PDSS2: variants seen among roughly 807,000 people sequenced by gnomAD.
PDSS2 encodes all trans-polyprenyl-diphosphate synthase PDSS2.
Under a neutral mutation model 44.5 loss-of-function variants are expected in PDSS2, and 31 were observed. That is an observed-to-expected ratio of 0.70 (90% CI 0.52 to 0.94). The LOEUF (loss-of-function observed/expected upper bound fraction) is 0.94. Ranked by LOEUF, PDSS2 falls within the 40% of genes least tolerant of loss-of-function variation. The pLI is 0.00. For synonymous variants in PDSS2, 157 were observed against 180.3 expected (o/e 0.87, Z 1.03); for missense variants, 452 against 482.2 (o/e 0.94, Z 0.59).
At chr6:107,327,821 A>G (rs1777596001) in intron 2 of PDSS2, among the ~76,000 whole-genome samples, 1 of 152,212 alleles carries the variant, frequency 6.6e-6, no homozygotes, top group Admixed American at 6.5e-5. Context: ...CTTAAAAATT[A>G]AGATTGTTTC....
intron 1 of PDSS2, among the ~76,000 whole-genome samples, chr6:107,456,189 C>T (rs1019827487): frequency 1.3e-5 from 2 of 152,080 alleles, no homozygotes; most frequent in Middle Eastern, 3.2e-3. Flanking sequence ...GGCATGGTGG[C>T]GGGCGCCTAT....
Position 107,153,619 on chromosome 6 carries a change from G to T in PDSS2, c.*1000C>A, listed in dbSNP as rs1234521329. ...TGAAATGTGTTTGAATAAAAAAACT[G>T]ATCTTCAGGAAAGAAAAACAGACTA... is the stretch of plus-strand genomic sequence containing the variant. On this transcript the variant is annotated 3_prime_UTR_variant, in exon 8 of 8. Transcript: ENST00000369037. 6.6e-6 allele frequency: 1 copy of T among 152,274 alleles called. No individual in the cohort carries two copies. The highest frequency in any genetic ancestry group is 2.4e-5 in the African/African-American group (1 of 41,362). 9.4% of individuals were successfully genotyped at this position (152,274 alleles called of 1,614,324 possible). A position where few individuals can be genotyped will look rare whatever the true frequency, so the allele number is the denominator to read the frequency against.
chr6:107,237,900 A>G (rs1320534840), intron 4 of PDSS2, among the ~76,000 whole-genome samples: 2 of 150,742 alleles, frequency 1.3e-5, no homozygotes, highest in African/African-American at 4.9e-5. Flanking sequence ...CGTCTCTGAA[A>G]AAAAAAAAAA....
intron 1 of PDSS2, among the ~76,000 whole-genome samples, chr6:107,424,935 C>A (rs962586922): frequency 1.4e-4 from 22 of 152,162 alleles, no homozygotes; most frequent in Non-Finnish European, 1.0e-4. Flanking sequence ...GTGGGAGGAA[C>A]CCAGTGGGAG....
intron 4 of PDSS2, among the ~76,000 whole-genome samples, chr6:107,241,539 G>C (rs1036539245): frequency 2.0e-5 from 3 of 151,556 alleles, no homozygotes; most frequent in Admixed American, 6.6e-5. Flanking sequence ...GTAGAGACAG[G>C]GTTTCACCGT....
At chr6:107,351,333 A>G (rs1778429340) in intron 1 of PDSS2, among the ~76,000 whole-genome samples, 1 of 152,230 alleles carries the variant, frequency 6.6e-6, no homozygotes, top group Non-Finnish European at 1.5e-5. Flanking sequence ...TCATCTTGAT[A>G]TCAAAAGTTC....
rs116090428 is a variant in PDSS2 at position 107,347,709 on chromosome 6, T to G, written c.297-13377A>C. Among the ~76,000 whole-genome samples, 612 of 152,268 alleles carry G rather than the reference T, an allele frequency of 4.0e-3. 5 individuals are homozygous for G. The highest frequency in any genetic ancestry group is 0.014 in the African/African-American group (591 of 41,546). On this transcript the variant is annotated intron_variant, in intron 1 of 7. Coordinates refer to ENST00000369037, the MANE Select transcript of PDSS2 (RefSeq NM_020381.4). ...TGAATGGCTAATCAAAAGAAATAAT[T>G]TATATACATTATATGTTTTTATTTC...
At chr6:107,223,664 C>T (rs1424350513) in intron 4 of PDSS2, among the ~76,000 whole-genome samples, 2 of 151,212 alleles carry the variant, frequency 1.3e-5, no homozygotes, top group African/African-American at 2.5e-5. Context: ...CAGTGAGACA[C>T]GTTCAGGCCA....
At chr6:107,288,185 T>C (rs1776218550) in intron 2 of PDSS2, among the ~76,000 whole-genome samples, 1 of 152,192 alleles carries the variant, frequency 6.6e-6, no homozygotes, top group Non-Finnish European at 1.5e-5. Flanking sequence ...CATTACATAG[T>C]TTGGTAACAA....
intron 2 of PDSS2, among the ~76,000 whole-genome samples, chr6:107,307,103 T>C (rs1048819727): frequency 5.3e-5 from 8 of 152,324 alleles, no homozygotes; most frequent in African/African-American, 1.9e-4. Flanking sequence ...CTTATTGAAG[T>C]AGGCACACAT....
chr6:107,201,709 T>A (rs1772784972), intron 6 of PDSS2, among the ~76,000 whole-genome samples: 1 of 152,188 alleles, frequency 6.6e-6, no homozygotes. Context: ...AGTCCAGAAA[T>A]TGCTAGAGAC....
chr6:107,220,998 T>C (rs1176668153), intron 4 of PDSS2, among the ~76,000 whole-genome samples: 3 of 152,200 alleles, frequency 2.0e-5, no homozygotes, highest in East Asian at 1.9e-4. Flanking sequence ...ATACCAGATA[T>C]ACAGAATTGT....
At chr6:107,184,767 C>G (rs1247981872) in intron 7 of PDSS2, among the ~76,000 whole-genome samples, 1 of 151,826 alleles carries the variant, frequency 6.6e-6, no homozygotes, top group Non-Finnish European at 1.5e-5. Flanking sequence ...AAAACCCTAT[C>G]CTTATAAAAA....
chr6:107,238,760 G>A (rs951869674), intron 4 of PDSS2, among the ~76,000 whole-genome samples: 2 of 152,136 alleles, frequency 1.3e-5, no homozygotes, highest in African/African-American at 2.4e-5. Flanking sequence ...AGGATGGTAG[G>A]AACACTCCTA....
intron 1 of PDSS2, among the ~76,000 whole-genome samples, chr6:107,383,504 C>T (rs925464336): frequency 3.3e-5 from 5 of 151,564 alleles, no homozygotes; most frequent in Non-Finnish European, 1.5e-5. Context: ...TCAAAGGACA[C>T]CATCAAGAAG....
chr6:107,278,103 C>T lies in PDSS2; in HGVS notation c.432-3876G>A, dbSNP rs139304281. On this transcript the variant is annotated intron_variant, in intron 2 of 7. Transcript: ENST00000369037. ...AGATACAATTAAAAGAACAAATTGG[C>T]ATTATCAAATGCCAAGGAAAATCTC... Among the ~76,000 whole-genome samples, 412 of 151,962 alleles carry T rather than the reference C, an allele frequency of 2.7e-3. 2 individuals carry two copies. The highest frequency in any genetic ancestry group is 9.4e-3 in the African/African-American group (389 of 41,496).
chr6:107,252,708 C>A (rs1349469694), intron 3 of PDSS2, among the ~76,000 whole-genome samples: 2 of 152,154 alleles, frequency 1.3e-5, no homozygotes, highest in South Asian at 2.1e-4. Context: ...GTGGGAGGAT[C>A]ACTTGAGCCC....
At chr6:107,163,836 C>G (rs908400895) in intron 7 of PDSS2, among the ~76,000 whole-genome samples, 19 of 152,202 alleles carry the variant, frequency 1.2e-4, no homozygotes, top group African/African-American at 3.6e-4. Flanking sequence ...CTCCTGACCT[C>G]AGGTGATCCG....
At chr6:107,397,607 T>C (rs907992185) in intron 1 of PDSS2, among the ~76,000 whole-genome samples, 1 of 152,244 alleles carries the variant, frequency 6.6e-6, no homozygotes, top group African/African-American at 2.4e-5. Context: ...GCTGGTTTTT[T>C]GTTTTCCATG....
Sources: gnomAD v4.1 joint callset for allele counts (sites outside exome capture counted in the v4.1 genomes callset) on GRCh38, gnomAD v4.1.1 for gene constraint, MANE v1.5 for transcripts, NCBI Gene and HGNC (gene_info 2026-07-23, HGNC 2026-07-21) for gene names.